Variants in TASOR2 observed in about 807,000 individuals in gnomAD.
TASOR2 encodes protein TASOR 2.
TASOR2 carries 84 observed loss-of-function variants against 199.5 expected under a neutral mutation model. That is an observed-to-expected ratio of 0.42 (90% confidence interval 0.35 to 0.50). The LOEUF (loss-of-function observed/expected upper bound fraction) is 0.50. Ranked by LOEUF, TASOR2 falls within the 20% of genes least tolerant of loss-of-function variation. The pLI, the probability that TASOR2 is intolerant of heterozygous loss-of-function variation, is 0.02. For missense variants in TASOR2, 2,796 were observed against 2,835.9 expected (o/e 0.99, Z 0.32); for synonymous variants, 1,103 against 1,046.6 (o/e 1.05, Z -1.04).
At chr10:5,714,273 A>T in intron 2 of TASOR2, 66 bp downstream of exon 3, 3 of 1,000,940 alleles carry the variant, frequency 3.0e-6, no homozygotes. Context: ...GTGAGGTTTC[A>T]TTAGTTTTAT....
chr10:5,762,506 A>G (rs1171417521), intron 19 of TASOR2, 26 bp from the exon 21 acceptor site: 1 of 517,988 alleles, frequency 1.9e-6, no homozygotes, highest in South Asian at 3.5e-5. Flanking sequence ...TATTAACCAA[A>G]AGTTGTTTTT....
intron 2 of TASOR2, 24 bp downstream of exon 2, chr10:5,712,942 A>G (rs1475251091): frequency 5.5e-6 from 6 of 1,084,618 alleles, no homozygotes; most frequent in Non-Finnish European, 7.0e-6. Context: ...GTTGTAGAAA[A>G]TTAATGGTAT....
Position 5,742,007 on chromosome 10 carries a change from G to T in TASOR2, c.2328-90G>T. On this transcript the variant is annotated intron_variant, in intron 13 of 20. Transcript: ENST00000328090. The surrounding 1 kb of genome is among the most constrained non-coding windows in gnomAD (Gnocchi z 4.2). Reference sequence around the variant, plus strand: ...TTTTAAAAATAAAAACAAAAACTAAGGAATATTGGAGGCACTTGCTTATGA... The same window carrying T: ...TTTTAAAAATAAAAACAAAAACTAATGAATATTGGAGGCACTTGCTTATGA... 8.3e-7 allele frequency: 1 copy of T among 1,208,188 alleles called. No homozygotes were observed. The allele number at this position is 1,208,188 out of a possible 1,614,324, so 74.8% of individuals were successfully genotyped here. A position where few individuals can be genotyped will look rare whatever the true frequency, so the allele number is the denominator to read the frequency against.
Position 5,698,136 on chromosome 10 carries a change from C to T in TASOR2, c.-288+12961C>T, listed in dbSNP as rs1358641952. ...CCCTACTCCTTGACTTTGTGTTTGG[C>T]TATGTGACTTGCTAAGGTAAAAGTG... On this transcript the variant is annotated intron_variant, in intron 1 of 20. Transcript: ENST00000328090. The surrounding 1 kb of genome is among the most constrained non-coding windows in gnomAD (Gnocchi z 4.4). Among the ~76,000 whole-genome samples, 3 of 152,198 alleles carry T rather than the reference C, an allele frequency of 2.0e-5. No individual in the cohort carries two copies. Among genetic ancestry groups the T allele is most frequent in the Non-Finnish European group, 2.9e-5 (2 of 68,034 alleles).
intron 19 of TASOR2, 91 bp from the exon 21 acceptor site, chr10:5,762,441 C>A: frequency 2.6e-6 from 1 of 380,056 alleles, no homozygotes; most frequent in East Asian, 4.3e-5. Context: ...GAGGAAGTTC[C>A]ACAGATTTTT....
chr10:5,725,414 A>T (rs1220323917), intron 8 of TASOR2, among the ~76,000 whole-genome samples: 1 of 138,882 alleles, frequency 7.2e-6, no homozygotes, highest in Non-Finnish European at 1.6e-5. Flanking sequence ...AAAAAAAAAA[A>T]AAAAAAAGAT....
chr10:5,714,349 C>A, intron 2 of TASOR2, 142 bp downstream of exon 3: 2 of 444,226 alleles, frequency 4.5e-6, no homozygotes, highest in Non-Finnish European at 7.4e-6. Context: ...AGATTTCTAA[C>A]TTTAAACATA....
At chr10:5,755,941 A>G (rs1255492077) in intron 15 of TASOR2, among the ~76,000 whole-genome samples, 2 of 151,906 alleles carry the variant, frequency 1.3e-5, no homozygotes, top group African/African-American at 4.8e-5. Flanking sequence ...GCAGTGAGCT[A>G]TGTTCGTTTC....
At chr10:5,747,987 T>C in exon 15 of TASOR2, 4 of 1,610,554 alleles carry the variant, frequency 2.5e-6, no homozygotes, top group Non-Finnish European at 3.4e-6. Flanking sequence ...AGTGCTATGG[T>C]AGGGAGTTAA....
At chr10:5,757,597 T>C in exon 17 of TASOR2, 1 of 1,613,954 alleles carries the variant, frequency 6.2e-7, no homozygotes, top group Non-Finnish European at 8.5e-7. Context: ...ATGTTCTTGA[T>C]CACACCTACC....
chr10:5,716,641 A>G (rs1339519452), intron 2 of TASOR2, among the ~76,000 whole-genome samples: 8 of 152,208 alleles, frequency 5.3e-5, no homozygotes, highest in African/African-American at 1.9e-4. Context: ...TTGGCTGGGT[A>G]CGGTGGCTCA....
At position 5,752,429 on chromosome 10, in the gene TASOR2, C is replaced by G. The variant is rs1838191323; in HGVS notation, c.6606+2402C>G. 6.6e-6 allele frequency among the ~76,000 whole-genome samples: 1 copy of G among 152,024 alleles called. No homozygotes were observed. Among genetic ancestry groups the G allele is most frequent in the South Asian group, 2.1e-4 (1 of 4,826 alleles). The stretch of plus-strand genomic sequence containing the variant: ...AAACTGGACGTGCCGTGTGTCGGTT[C>G]CACACATGAGGGGCCTGCAGGCCAC... On this transcript the variant is annotated intron_variant, in intron 15 of 20. Transcript: ENST00000328090. The surrounding 1 kb of genome is among the most constrained non-coding windows in gnomAD (Gnocchi z 4.4).
rs1258046186 is a variant in TASOR2, at chr10:5,701,454, T to C, written c.-287-11369T>C. Among the ~76,000 whole-genome samples the C allele has an allele frequency of 6.6e-6, 1 of 152,206 alleles. No homozygotes were observed. The highest frequency in any genetic ancestry group is 3.2e-3 in the Middle Eastern group (1 of 316). ...TTTGGCTATTCAGGATCTTTTGTGG[T>C]TCCATATACATTTTAGGATTTGTTT... On this transcript the variant is annotated intron_variant, in intron 1 of 20. Transcript: ENST00000328090. This position sits in a 1 kb window ranked among gnomAD's most constrained non-coding sequence, Gnocchi z 4.9.
At chr10:5,744,882 G>C (rs1192015409) in intron 14 of TASOR2, among the ~76,000 whole-genome samples, 1 of 152,168 alleles carries the variant, frequency 6.6e-6, no homozygotes, top group Non-Finnish European at 1.5e-5. Context: ...GCCCACCACA[G>C]CCTCCCAAAG....
chr10:5,688,590 T>G (rs961081288), intron 1 of TASOR2, among the ~76,000 whole-genome samples: 3 of 152,120 alleles, frequency 2.0e-5, no homozygotes, highest in Non-Finnish European at 4.4e-5. Flanking sequence ...CTTCTCATGC[T>G]CTGACATTAA....
At chr10:5,759,240 A>G (rs921308702) in intron 18 of TASOR2, among the ~76,000 whole-genome samples, 3 of 152,202 alleles carry the variant, frequency 2.0e-5, no homozygotes, top group African/African-American at 4.8e-5. Flanking sequence ...AAATGTCCAT[A>G]TTCTATTTAA....
rs1472240877 is a variant in TASOR2, at chr10:5,689,872, T to G, written c.-288+4697T>G. On this transcript the variant is annotated intron_variant, in intron 1 of 20. Coordinates refer to ENST00000328090, the Ensembl canonical transcript of TASOR2. The surrounding 1 kb of genome is among the most constrained non-coding windows in gnomAD (Gnocchi z 4.1). ...GGATTTTTGATAATTTTTGATAAGT[T>G]AAAAGTAAAACAGGAAATCTCTGGA... Among the ~76,000 whole-genome samples the G allele has an allele frequency of 2.6e-5, 4 of 152,212 alleles. No homozygotes were observed. Among genetic ancestry groups the G allele is most frequent in the African/African-American group, 9.6e-5 (4 of 41,460 alleles).
At chr10:5,714,064 A>G in intron 2 of TASOR2, 71 bp from the exon 3 acceptor site, 1 of 855,296 alleles carries the variant, frequency 1.2e-6, no homozygotes, top group East Asian at 3.3e-5. Flanking sequence ...AAATTAAAAA[A>G]AAAAACCTTA....
chr10:5,763,045 CTGCCTGG>C, exon 21 of TASOR2: 1 of 1,611,838 alleles, frequency 6.2e-7, no homozygotes, highest in Non-Finnish European at 8.5e-7. Flanking sequence ...CAACTACAGC[CTGCCTGG>C]ATATGGATGA....
Sources: gnomAD v4.1 joint callset for allele counts (sites outside exome capture counted in the v4.1 genomes callset) on GRCh38, gnomAD v4.1.1 for gene constraint, Gnocchi (gnomAD v3.1) non-coding constraint, MANE v1.5 for transcripts, NCBI Gene and HGNC (gene_info 2026-07-23, HGNC 2026-07-21) for gene names.